The following CDYL2 variants were observed in gnomAD, a reference collection of about 807,000 sequenced individuals.
The protein encoded by CDYL2 is chromodomain Y like 2.
In CDYL2, 23 loss-of-function variants were observed where a neutral mutation model predicts 49.4. That is an observed-to-expected ratio of 0.47 (90% CI 0.34 to 0.66). The LOEUF (loss-of-function observed/expected upper bound fraction) is 0.66, where lower values mean the gene tolerates loss of function less well. CDYL2 is among the 30% of genes least tolerant of loss of function. The pLI is 0.01. For missense variants in CDYL2, 678 were observed against 656.4 expected (o/e 1.03, Z -0.36); for synonymous variants, 360 against 268.8 (o/e 1.34, Z -3.32).
chr16:80,781,350 CAT>C (rs1185911431), intron 1 of CDYL2, among the ~76,000 whole-genome samples: 3 of 152,258 alleles, frequency 2.0e-5, no homozygotes, highest in South Asian at 4.1e-4. Flanking sequence ...CAACTATAAA[CAT>C]ATGTGCATCT....
At chr16:80,675,161 G>C (rs1278422924) in intron 2 of CDYL2, among the ~76,000 whole-genome samples, 1 of 152,156 alleles carries the variant, frequency 6.6e-6, no homozygotes, top group African/African-American at 2.4e-5. Context: ...TTGGCATCTG[G>C]GAAAGGTCTG....
chr16:80,733,140 C>T (rs1398749528), intron 1 of CDYL2, among the ~76,000 whole-genome samples: 2 of 152,112 alleles, frequency 1.3e-5, no homozygotes, highest in East Asian at 3.9e-4. Context: ...CTCTTGTGGG[C>T]AAGGTTGAGG....
At chr16:80,718,240 C>T (rs1904878676) in intron 1 of CDYL2, among the ~76,000 whole-genome samples, 1 of 152,136 alleles carries the variant, frequency 6.6e-6, no homozygotes, top group Admixed American at 6.5e-5. Flanking sequence ...ATTGAAGGAC[C>T]AATTTGAAGT....
chr16:80,679,273 TATAAATAA>T (rs1209657716), intron 2 of CDYL2, among the ~76,000 whole-genome samples: 1 of 112,542 alleles, frequency 8.9e-6, no homozygotes, highest in Non-Finnish European at 2.0e-5. Flanking sequence ...AATAAAAATA[TATAAATAA>T]ATAAATAAAT....
chr16:80,623,135 G>A (rs1597130053), intron 3 of CDYL2, among the ~76,000 whole-genome samples: 1 of 152,026 alleles, frequency 6.6e-6, no homozygotes, highest in African/African-American at 2.4e-5. Context: ...GTAGTCCTTG[G>A]AACAGCAGCA....
At chr16:80,712,215 A>ATATATATATATATATATATATATATATC (rs763194077) in intron 1 of CDYL2, among the ~76,000 whole-genome samples, 2 of 128,358 alleles carry the variant, frequency 1.6e-5, no homozygotes, top group Non-Finnish European at 3.5e-5. Flanking sequence ...ATATATATAT[A>ATATATATATATATATATATATATATATC]TCTCCAAACC....
At chr16:80,709,259 G>A (rs917883688) in intron 1 of CDYL2, among the ~76,000 whole-genome samples, 1 of 151,966 alleles carries the variant, frequency 6.6e-6, no homozygotes, top group Non-Finnish European at 1.5e-5. Flanking sequence ...GCGTGCACCT[G>A]TAGCCCCAGC....
At chr16:80,703,936 G>T (rs574053991) in intron 1 of CDYL2, among the ~76,000 whole-genome samples, 3 of 152,098 alleles carry the variant, frequency 2.0e-5, no homozygotes, top group Non-Finnish European at 4.4e-5. Context: ...GGGTGGGTGC[G>T]CCCATCACCA....
At position 80,603,459 on chromosome 16, in the gene CDYL2, C is replaced by T. The variant is rs1203583869; in HGVS notation, c.*929G>A. 6.6e-6 allele frequency: 1 copy of T among 152,200 alleles called. No homozygotes were observed. Among genetic ancestry groups the T allele is most frequent in the African/African-American group, 2.4e-5 (1 of 41,442 alleles). The allele number at this position is 152,200 out of a possible 1,614,324, so 9.4% of individuals were successfully genotyped here. On this transcript the variant is annotated 3_prime_UTR_variant, in exon 7 of 7. Coordinates refer to ENST00000570137, the MANE Select transcript of CDYL2 (RefSeq NM_152342.4). Reference sequence around the variant, plus strand: ...CTAAGGAACTAGTATTCTATTATTACAGCTGAGAACCGTTTTACACAGAGG... The same window carrying T: ...CTAAGGAACTAGTATTCTATTATTATAGCTGAGAACCGTTTTACACAGAGG...
intron 3 of CDYL2, among the ~76,000 whole-genome samples, chr16:80,626,038 C>T (rs926934106): frequency 3.9e-5 from 6 of 151,938 alleles, no homozygotes; most frequent in African/African-American, 1.5e-4. Context: ...ACCTGTAATT[C>T]TGGCACTTTG....
At chr16:80,759,994 C>T (rs1445547113) in intron 1 of CDYL2, among the ~76,000 whole-genome samples, 1 of 152,146 alleles carries the variant, frequency 6.6e-6, no homozygotes, top group Non-Finnish European at 1.5e-5. Flanking sequence ...AGGCATAAAA[C>T]CTTTTCAGAC....
At chr16:80,734,083 C>A (rs954411354) in intron 1 of CDYL2, among the ~76,000 whole-genome samples, 3 of 152,252 alleles carry the variant, frequency 2.0e-5, no homozygotes, top group African/African-American at 7.2e-5. Context: ...TTTAGTAATA[C>A]CAAGACCCCA....
At chr16:80,784,758 A>T (rs75453290) in intron 1 of CDYL2, among the ~76,000 whole-genome samples, 89 of 152,310 alleles carry the variant, frequency 5.8e-4, no homozygotes, top group African/African-American at 2.1e-3. Flanking sequence ...GTCCTTAAAT[A>T]GCACAGAAAC....
rs1909860133 is a variant in CDYL2 at position 80,678,866 on chromosome 16, T to C, written c.616+5672A>G. On this transcript the variant is annotated intron_variant, in intron 2 of 6. Coordinates refer to ENST00000570137, the MANE Select transcript of CDYL2 (RefSeq NM_152342.4). ...AGCAAAGACTTGGAACCAGCCCAAA[T>C]GTCCAACAATGATAGATTGGATTAA... Among the ~76,000 whole-genome samples the C allele has an allele frequency of 2.6e-5, 4 of 151,250 alleles. No individual in the cohort carries two copies. The South Asian group carries it at 6.3e-4, about 24-fold the overall frequency.
At chr16:80,784,436 G>T (rs1310326654) in intron 1 of CDYL2, among the ~76,000 whole-genome samples, 2 of 152,268 alleles carry the variant, frequency 1.3e-5, no homozygotes, top group South Asian at 2.1e-4. Context: ...TAAAAGTAGT[G>T]TCCAAATTAT....
At position 80,631,168 on chromosome 16, in the gene CDYL2, T is replaced by G. The variant is rs564479002; in HGVS notation, c.834+1851A>C. Among the ~76,000 whole-genome samples the G allele has an allele frequency of 3.2e-4, 49 of 152,210 alleles. 1 individual carries two copies. The highest frequency in any genetic ancestry group is 2.6e-4 in the Admixed American group (4 of 15,284). ...GTTAAGCTGTGAGACCCTAGCCCAG[T>G]TGGGTTGTTTAAGCCTAAATTTTCT... is the stretch of plus-strand genomic sequence containing the variant. On this transcript the variant is annotated intron_variant, in intron 3 of 6. Transcript: ENST00000570137.
At chr16:80,741,715 T>C (rs1228021329) in intron 1 of CDYL2, among the ~76,000 whole-genome samples, 1 of 152,142 alleles carries the variant, frequency 6.6e-6, no homozygotes, top group Admixed American at 6.5e-5. Context: ...TCACCAGTAA[T>C]AAAAGTATTG....
intron 1 of CDYL2, among the ~76,000 whole-genome samples, chr16:80,694,205 C>A (rs982219832): frequency 6.6e-6 from 1 of 152,158 alleles, no homozygotes; most frequent in Non-Finnish European, 1.5e-5. Context: ...CAAGAGGGTT[C>A]GTACTCCTAT....
At chr16:80,772,743 G>A (rs2316577) in intron 1 of CDYL2, among the ~76,000 whole-genome samples, 3,038 of 152,194 alleles carry the variant, frequency 0.02, 98 homozygotes, top group African/African-American at 0.07. Flanking sequence ...GAGCCACCAC[G>A]CCTGGCCCAA....
Sources: gnomAD v4.1 joint callset for allele counts (sites outside exome capture counted in the v4.1 genomes callset) on GRCh38, gnomAD v4.1.1 for gene constraint, MANE v1.5 for transcripts, NCBI Gene and HGNC (gene_info 2026-07-23, HGNC 2026-07-21) for gene names.